WDFY3: variants seen among roughly 807,000 people sequenced by gnomAD.
The protein encoded by WDFY3 is WD repeat and FYVE domain containing 3, also known as WD repeat and FYVE domain-containing protein 3.
Under a neutral mutation model 409.6 loss-of-function variants are expected in WDFY3, and 66 were observed. The ratio of observed to expected loss-of-function variants is 0.16; its 90% CI spans 0.13 to 0.20. The LOEUF (loss-of-function observed/expected upper bound fraction) is 0.20. WDFY3 is among the 10% of genes least tolerant of loss of function. WDFY3 has a pLI of 1.00. For synonymous variants in WDFY3, 1,521 were observed against 1,537.1 expected (o/e 0.99, Z 0.25); for missense variants, 3,031 against 4,298.1 (o/e 0.71, Z 8.24).
intron 2 of WDFY3, among the ~76,000 whole-genome samples, chr4:84,920,690 C>T (rs954254450): frequency 6.6e-6 from 1 of 152,182 alleles, no homozygotes; most frequent in Non-Finnish European, 1.5e-5. Context: ...AATTCCTACA[C>T]AGCTGAACAG....
At chr4:84,778,115 A>G (rs933807735) in intron 27 of WDFY3, among the ~76,000 whole-genome samples, 5 of 152,138 alleles carry the variant, frequency 3.3e-5, no homozygotes, top group Non-Finnish European at 4.4e-5. Flanking sequence ...GTAGACTATG[A>G]AATGTGAACA....
At chr4:84,741,678 G>A (rs1738458476) in intron 38 of WDFY3, 83 bp downstream of exon 38, 1 of 1,354,676 alleles carries the variant, frequency 7.4e-7, no homozygotes, top group African/African-American at 1.5e-5. Context: ...TATCTTATTA[G>A]TTATATTTAA....
chr4:84,854,025 T>A (rs1306713537), intron 4 of WDFY3, among the ~76,000 whole-genome samples: 1 of 152,164 alleles, frequency 6.6e-6, no homozygotes, highest in Admixed American at 6.5e-5. Flanking sequence ...ATTTTAAAAT[T>A]AAAATTATTT....
chr4:84,897,236 T>C (rs191577796), intron 2 of WDFY3, among the ~76,000 whole-genome samples: 79 of 152,278 alleles, frequency 5.2e-4, no homozygotes, highest in African/African-American at 1.9e-3. Flanking sequence ...TTTTTATGGG[T>C]TTCCCAACTG....
chr4:84,787,133 T>C (rs1212326234), intron 23 of WDFY3, among the ~76,000 whole-genome samples: 3 of 152,238 alleles, frequency 2.0e-5, no homozygotes, highest in Admixed American at 2.0e-4. Flanking sequence ...CTATCTGTTC[T>C]TCCTTTAACA....
chr4:84,961,570 G>A (rs544349115), intron 1 of WDFY3, among the ~76,000 whole-genome samples: 2 of 152,174 alleles, frequency 1.3e-5, no homozygotes, highest in East Asian at 3.9e-4. Context: ...CAACATGAAA[G>A]ATGAGTGCAC....
chr4:84,808,209 A>C (rs892222739), intron 15 of WDFY3, 125 bp downstream of exon 15: 19 of 803,374 alleles, frequency 2.4e-5, no homozygotes, highest in Non-Finnish European at 3.7e-5. Context: ...AAAAGTAAAA[A>C]CAAAACAAAA....
chr4:84,840,330 T>A (rs1757147921), intron 6 of WDFY3, among the ~76,000 whole-genome samples: 1 of 152,192 alleles, frequency 6.6e-6, no homozygotes, highest in African/African-American at 2.4e-5. Context: ...AGAAAATATA[T>A]ATTATCCTAA....
intron 3 of WDFY3, among the ~76,000 whole-genome samples, chr4:84,877,822 C>CA (rs969760107): frequency 4.6e-5 from 7 of 151,744 alleles, no homozygotes; most frequent in African/African-American, 1.7e-4. Context: ...AAGAAATGGA[C>CA]AAAAAAATGA....
chr4:84,940,656 C>G (rs1771990043), intron 1 of WDFY3, among the ~76,000 whole-genome samples: 1 of 151,912 alleles, frequency 6.6e-6, no homozygotes, highest in South Asian at 2.1e-4. Flanking sequence ...TTGAAGAAAG[C>G]TCTTCCCAAA....
At chr4:84,938,630 A>G (rs1017222230) in intron 1 of WDFY3, among the ~76,000 whole-genome samples, 3 of 152,196 alleles carry the variant, frequency 2.0e-5, no homozygotes, top group African/African-American at 7.2e-5. Context: ...TCTAAAAATA[A>G]AGGGCAGATA....
At chr4:84,693,429 C>A (rs543015803) in intron 58 of WDFY3, among the ~76,000 whole-genome samples, 1 of 152,236 alleles carries the variant, frequency 6.6e-6, no homozygotes, top group Non-Finnish European at 1.5e-5. Context: ...TGGATTATTT[C>A]TGGTTTCAAT....
intron 45 of WDFY3, among the ~76,000 whole-genome samples, chr4:84,726,481 C>T (rs1467792219): frequency 1.3e-5 from 2 of 152,064 alleles, no homozygotes; most frequent in African/African-American, 4.8e-5. Flanking sequence ...AAAATATACA[C>T]TTTAGTATTT....
intron 1 of WDFY3, among the ~76,000 whole-genome samples, chr4:84,947,105 C>G (rs1554027295): frequency 6.6e-6 from 1 of 151,782 alleles, no homozygotes; most frequent in Non-Finnish European, 1.5e-5. Flanking sequence ...CCGTGCCCGG[C>G]CAATTTAATC....
chr4:84,747,647 A>T (rs1739713511), intron 36 of WDFY3, among the ~76,000 whole-genome samples: 2 of 152,038 alleles, frequency 1.3e-5, no homozygotes, highest in South Asian at 4.1e-4. Context: ...AGTGGAAGGT[A>T]ATTAAATCAT....
At chr4:84,870,162 C>A (rs1761955637) in intron 3 of WDFY3, among the ~76,000 whole-genome samples, 2 of 152,096 alleles carry the variant, frequency 1.3e-5, no homozygotes. Flanking sequence ...TCATGGAATA[C>A]TGTTAAAAGA....
chr4:84,749,123 C>T (rs1015167253), intron 36 of WDFY3, among the ~76,000 whole-genome samples: 2 of 152,096 alleles, frequency 1.3e-5, no homozygotes, highest in African/African-American at 4.8e-5. Flanking sequence ...TAACTTTAAG[C>T]AATCCTTCTG....
chr4:84,854,754 T>C (rs1229174867), intron 4 of WDFY3, among the ~76,000 whole-genome samples: 3 of 152,034 alleles, frequency 2.0e-5, no homozygotes, highest in African/African-American at 4.8e-5. Context: ...ACTAAAAATA[T>C]AACAATTAGC....
In WDFY3 at chr4:84,794,664, A is replaced by T; in HGVS notation, c.3342T>A (p.Pro1114=). Residue 1114 remains proline, a synonymous_variant, in exon 21 of 68, where the codon CCT becomes CCA. Transcript: ENST00000295888. The part of the protein sequence containing the change: ...SWFCIEHFSS[P]PNNHPVRLLT... The stretch of plus-strand genomic sequence containing the variant: ...GAAGTCTGACAGGGTGGTTATTTGG[A>T]GGAGAACTAAAATGTTCAATACAAA... The T allele has an allele frequency of 6.2e-7, 1 of 1,614,056 alleles. No individual in the cohort carries two copies. The highest frequency in any genetic ancestry group is 8.5e-7 in the Non-Finnish European group (1 of 1,179,990).
Sources: allele counts gnomAD v4.1 joint callset (sites outside exome capture counted in the v4.1 genomes callset), GRCh38; gene constraint gnomAD v4.1.1; transcripts MANE v1.5; gene names NCBI Gene and HGNC (gene_info 2026-07-23, HGNC 2026-07-21).